The following IL1RAPL1 variants were observed in gnomAD, a reference collection of about 807,000 sequenced individuals.
IL1RAPL1 encodes the protein interleukin-1 receptor accessory protein-like 1.
IL1RAPL1 carries 3 observed loss-of-function variants against 48.4 expected under a neutral mutation model. The ratio of observed to expected loss-of-function variants is 0.06; its 90% CI spans 0.03 to 0.16. IL1RAPL1 has a LOEUF of 0.16. Among genes scored for constraint, IL1RAPL1 ranks in the 10% least tolerant of loss-of-function variants. The pLI, the probability that IL1RAPL1 is intolerant of heterozygous loss-of-function variation, is 1.00. For synonymous variants in IL1RAPL1, 185 were observed against 187.7 expected (o/e 0.99, Z 0.12); for missense variants, 349 against 530.6 (o/e 0.66, Z 3.36).
At chrX:29,070,382 C>T (rs1471674383) in intron 2 of IL1RAPL1, among the ~76,000 whole-genome samples, 1 of 111,517 alleles carries the variant, frequency 9.0e-6, no homozygotes, top group Admixed American at 9.6e-5. Context: ...TATCAGCGCC[C>T]TAATTAACAC....
chrX:28,970,281 C>T (rs760202334), intron 2 of IL1RAPL1, among the ~76,000 whole-genome samples: 9 of 112,542 alleles, frequency 8.0e-5, no homozygotes, highest in African/African-American at 1.6e-4. Flanking sequence ...GGATTACAGG[C>T]GTGAGCCACT....
intron 5 of IL1RAPL1, among the ~76,000 whole-genome samples, chrX:29,607,886 C>T (rs1384203897): frequency 2.7e-5 from 3 of 112,365 alleles, no homozygotes; most frequent in Non-Finnish European, 5.6e-5. Flanking sequence ...CCAGTCTCTC[C>T]ATAAACTCCT....
intron 1 of IL1RAPL1, among the ~76,000 whole-genome samples, chrX:28,588,305 A>G (rs1320254890): frequency 9.1e-6 from 1 of 109,291 alleles, no homozygotes; most frequent in Admixed American, 9.9e-5. Flanking sequence ...GTGCAATTGA[A>G]AATCAAAGTA....
rs187256271 is a variant in IL1RAPL1, at chrX:29,596,766, T to C, written c.704-71664T>C. Among the ~76,000 whole-genome samples the C allele has an allele frequency of 3.6e-5, 4 of 112,092 alleles. No homozygotes were observed. In the East Asian group the frequency reaches 1.1e-3, roughly 31 times the overall value. ...GCGCTGGCTGGGACTTCCAGTATTA[T>C]GTTGAATAGAAGTGGTGAGAGTGGG... On this transcript the variant is annotated intron_variant, in intron 5 of 10. Coordinates refer to ENST00000378993, the MANE Select transcript of IL1RAPL1 (RefSeq NM_014271.4).
chrX:29,043,408 C>A (rs1005680291), intron 2 of IL1RAPL1, among the ~76,000 whole-genome samples: 2 of 110,464 alleles, frequency 1.8e-5, no homozygotes, highest in African/African-American at 6.6e-5. Context: ...GGCCTTAAAT[C>A]CAGCAAATTA....
chrX:29,512,456 ACT>A (rs1190675373), intron 5 of IL1RAPL1, among the ~76,000 whole-genome samples: 1 of 111,892 alleles, frequency 8.9e-6, no homozygotes, highest in Non-Finnish European at 1.9e-5. Context: ...GATGAATCAT[ACT>A]CTCAACATAA....
At chrX:28,649,527 T>C (rs1268649789) in intron 1 of IL1RAPL1, among the ~76,000 whole-genome samples, 1 of 112,928 alleles carries the variant, frequency 8.9e-6, no homozygotes, top group Non-Finnish European at 1.9e-5. Context: ...CAATGTGCAT[T>C]GTTGATTACT....
chrX:29,592,208 T>C (rs908800391), intron 5 of IL1RAPL1, among the ~76,000 whole-genome samples: 1 of 112,052 alleles, frequency 8.9e-6, no homozygotes, highest in Non-Finnish European at 1.9e-5. Context: ...AAAACATATA[T>C]TCAGCCATTG....
intron 6 of IL1RAPL1, among the ~76,000 whole-genome samples, chrX:29,915,685 C>T (rs1932792055): frequency 1.9e-5 from 2 of 103,762 alleles, no homozygotes; most frequent in East Asian, 3.0e-4. Flanking sequence ...CTTAGGATCG[C>T]AGAGTTCTCA....
rs774948061 is a variant in IL1RAPL1 at position 29,461,993 on chromosome X, G to A, written c.703+62685G>A. Among the ~76,000 whole-genome samples the A allele has an allele frequency of 3.6e-5, 4 of 111,536 alleles. No individual in the cohort carries two copies. The South Asian group carries it at 1.5e-3, about 42-fold the overall frequency. On this transcript the variant is annotated intron_variant, in intron 5 of 10. Transcript: ENST00000378993. ...CTCATTAAACTGAACATGTAAAATG[G>A]GTGAATTTTATTATTATATGTAACA...
chrX:29,132,390 A>G (rs1388823496), intron 2 of IL1RAPL1, among the ~76,000 whole-genome samples: 1 of 112,015 alleles, frequency 8.9e-6, no homozygotes, highest in Non-Finnish European at 1.9e-5. Flanking sequence ...AGTGTAACAC[A>G]TTACCTTTTC....
intron 5 of IL1RAPL1, among the ~76,000 whole-genome samples, chrX:29,588,544 T>C (rs188063288): frequency 1.0e-3 from 117 of 112,338 alleles, no homozygotes; most frequent in African/African-American, 3.5e-3. Context: ...GTGGATGTCA[T>C]GGTTAAAAGA....
chrX:29,506,438 TCTC>T (rs562607187), intron 5 of IL1RAPL1, among the ~76,000 whole-genome samples: 19 of 90,640 alleles, frequency 2.1e-4, no homozygotes, highest in South Asian at 6.3e-4. Flanking sequence ...TCCTTCTCCT[TCTC>T]CTCCTCCTCC....
intron 5 of IL1RAPL1, among the ~76,000 whole-genome samples, chrX:29,586,396 T>C (rs1179658423): frequency 8.9e-6 from 1 of 111,805 alleles, no homozygotes; most frequent in Admixed American, 9.5e-5. Context: ...TTCTGTTAGA[T>C]TGGCCTATAT....
At chrX:29,652,164 A>C (rs988017227) in intron 5 of IL1RAPL1, among the ~76,000 whole-genome samples, 1 of 112,100 alleles carries the variant, frequency 8.9e-6, no homozygotes, top group Non-Finnish European at 1.9e-5. Flanking sequence ...AAATCAAAAA[A>C]TTTTTTTGGA....
At chrX:29,011,135 A>C (rs1926112213) in intron 2 of IL1RAPL1, among the ~76,000 whole-genome samples, 1 of 111,946 alleles carries the variant, frequency 8.9e-6, no homozygotes, top group Admixed American at 9.5e-5. Context: ...CTGTCTTAAT[A>C]AATATACAGA....
intron 3 of IL1RAPL1, among the ~76,000 whole-genome samples, chrX:29,366,481 A>G (rs1199397486): frequency 9.3e-6 from 1 of 107,913 alleles, no homozygotes; most frequent in African/African-American, 3.4e-5. Context: ...AAATATCATT[A>G]TGGTAAAAAC....
At chrX:29,668,359 C>A in intron 5 of IL1RAPL1, 71 bp from the exon 6 acceptor site, 1 of 929,447 alleles carries the variant, frequency 1.1e-6, no homozygotes, top group Non-Finnish European at 1.6e-6. Flanking sequence ...GGAAAATAGA[C>A]TGTATTCTAT....
chrX:29,927,816 G>A (rs1978471118), intron 8 of IL1RAPL1, among the ~76,000 whole-genome samples: 1 of 106,619 alleles, frequency 9.4e-6, no homozygotes, highest in East Asian at 3.1e-4. Flanking sequence ...AATTAAGTGT[G>A]GTAAGAAAGG....
Sources: allele counts gnomAD v4.1 joint callset (sites outside exome capture counted in the v4.1 genomes callset), GRCh38; gene constraint gnomAD v4.1.1; transcripts MANE v1.5; gene names NCBI Gene and HGNC (gene_info 2026-07-23, HGNC 2026-07-21).